The following NELL1 variants were observed in gnomAD, a reference collection of about 807,000 sequenced individuals.
The protein encoded by NELL1 is neural EGFL like 1.
Under a neutral mutation model 107.4 loss-of-function variants are expected in NELL1, and 76 were observed. The ratio of observed to expected loss-of-function variants is 0.71; its 90% CI spans 0.59 to 0.86. NELL1 has a LOEUF of 0.86. NELL1 is among the 40% of genes least tolerant of loss of function. The probability of loss-of-function intolerance (pLI) is 0.00; values close to 1 mark genes in which losing one functional copy is unlikely to be tolerated. For missense variants in NELL1, 1,024 were observed against 1,005.5 expected, an observed-to-expected ratio of 1.02 and a Z score of -0.25; for synonymous variants, 353 against 341.2, an observed-to-expected ratio of 1.03 and a Z score of -0.38.
At chr11:20,958,251 C>G (rs1253373122) in intron 11 of NELL1, among the ~76,000 whole-genome samples, 2 of 151,692 alleles carry the variant, frequency 1.3e-5, no homozygotes, top group Non-Finnish European at 2.9e-5. Context: ...GACTTCATCT[C>G]TCCAAAAAAA....
At chr11:20,758,508 C>T (rs1856347473) in intron 2 of NELL1, among the ~76,000 whole-genome samples, 1 of 152,144 alleles carries the variant, frequency 6.6e-6, no homozygotes, top group South Asian at 2.1e-4. Flanking sequence ...AACCAACTGA[C>T]AATAGAGAGA....
At chr11:20,826,091 T>G (rs1053561165) in intron 3 of NELL1, among the ~76,000 whole-genome samples, 5 of 151,346 alleles carry the variant, frequency 3.3e-5, no homozygotes, top group African/African-American at 1.2e-4. Context: ...TTGCTGCTTT[T>G]TCCATCATGA....
chr11:20,983,545 C>A (rs1851791122), intron 12 of NELL1, among the ~76,000 whole-genome samples: 1 of 152,306 alleles, frequency 6.6e-6, no homozygotes, highest in South Asian at 2.1e-4. Flanking sequence ...TACATAGTCA[C>A]ATATTTAGGA....
chr11:21,447,180 C>A (rs1430674713), intron 15 of NELL1, among the ~76,000 whole-genome samples: 2 of 152,100 alleles, frequency 1.3e-5, no homozygotes, highest in Non-Finnish European at 2.9e-5. Flanking sequence ...AGTGGGCTCC[C>A]CTCTGGCCCA....
At chr11:21,251,501 T>A (rs1423212192) in intron 14 of NELL1, among the ~76,000 whole-genome samples, 2 of 151,930 alleles carry the variant, frequency 1.3e-5, no homozygotes, top group Non-Finnish European at 2.9e-5. Flanking sequence ...TTAGAGACAA[T>A]TTAGTTCCAG....
At chr11:21,064,487 A>G (rs1283859329) in intron 12 of NELL1, among the ~76,000 whole-genome samples, 1 of 152,202 alleles carries the variant, frequency 6.6e-6, no homozygotes, top group Non-Finnish European at 1.5e-5. Flanking sequence ...CCGAAATTGA[A>G]AACTGAGGGG....
chr11:21,497,842 A>G (rs1429228736), intron 15 of NELL1, among the ~76,000 whole-genome samples: 1 of 152,050 alleles, frequency 6.6e-6, no homozygotes, highest in Non-Finnish European at 1.5e-5. Context: ...GCTTTGCTGT[A>G]TATTGTATAC....
At chr11:21,033,966 T>C (rs1447071986) in intron 12 of NELL1, among the ~76,000 whole-genome samples, 1 of 152,174 alleles carries the variant, frequency 6.6e-6, no homozygotes, top group Non-Finnish European at 1.5e-5. Context: ...CATTGTGGTT[T>C]TGATTTGCAT....
At chr11:21,179,789 C>T (rs901587645) in intron 13 of NELL1, among the ~76,000 whole-genome samples, 2 of 143,978 alleles carry the variant, frequency 1.4e-5, no homozygotes, top group Non-Finnish European at 3.0e-5. Flanking sequence ...TAGGAGTGGT[C>T]TTACCTGATT....
At chr11:20,871,734 G>A (rs570995485) in intron 4 of NELL1, among the ~76,000 whole-genome samples, 2 of 152,048 alleles carry the variant, frequency 1.3e-5, no homozygotes, top group African/African-American at 2.4e-5. Flanking sequence ...TTAAGAAGAG[G>A]CCCTGCTGGG....
chr11:21,169,951 C>T (rs1274122864), intron 13 of NELL1: 7 of 1,454,214 alleles, frequency 4.8e-6, no homozygotes, highest in African/African-American at 4.2e-5. Flanking sequence ...GGACCAAGAG[C>T]CCTCTCTTTG....
chr11:21,511,234 T>C (rs1855426856), intron 15 of NELL1, among the ~76,000 whole-genome samples: 1 of 152,234 alleles, frequency 6.6e-6, no homozygotes, highest in African/African-American at 2.4e-5. Flanking sequence ...TTTGTAATAA[T>C]CTCTCTTTAC....
Position 20,848,326 on chromosome 11 carries a change from AG to A in NELL1, c.506+578del, listed in dbSNP as rs570030228. Among the ~76,000 whole-genome samples, 62 of 152,258 alleles carry A rather than the reference AG, an allele frequency of 4.1e-4. No homozygotes were observed. The South Asian group carries it at 0.013, about 32-fold the overall frequency. On this transcript the variant is annotated intron_variant, in intron 4 of 19. Transcript: ENST00000357134. ...CAGCTTGTCAGGGGATGGTGGGACC[AG>A]GGGGTTTCACAGGAGGTTTTGGGTT...
intron 14 of NELL1, among the ~76,000 whole-genome samples, chr11:21,267,950 A>G (rs1848667800): frequency 6.6e-6 from 1 of 152,146 alleles, no homozygotes; most frequent in Non-Finnish European, 1.5e-5. Flanking sequence ...GTGTGTCATT[A>G]TAGGTGAAGT....
chr11:21,546,875 G>T (rs536661874), intron 16 of NELL1, among the ~76,000 whole-genome samples: 1 of 152,070 alleles, frequency 6.6e-6, no homozygotes, highest in South Asian at 2.1e-4. Context: ...TATGAGCAGG[G>T]AATATTAAAC....
At chr11:21,202,444 CTG>C (rs767250753) in intron 13 of NELL1, among the ~76,000 whole-genome samples, 2 of 151,980 alleles carry the variant, frequency 1.3e-5, no homozygotes, top group Non-Finnish European at 2.9e-5. Flanking sequence ...TGATGGTAGA[CTG>C]TATTTCTGTG....
chr11:20,993,650 C>A (rs985517276), intron 12 of NELL1, among the ~76,000 whole-genome samples: 1 of 152,158 alleles, frequency 6.6e-6, no homozygotes, highest in Non-Finnish European at 1.5e-5. Context: ...GCATATCCTC[C>A]TGTGTACTTT....
chr11:20,751,522 G>T (rs558873002), intron 2 of NELL1, among the ~76,000 whole-genome samples: 23 of 152,072 alleles, frequency 1.5e-4, no homozygotes, highest in South Asian at 1.0e-3. Context: ...TGTTGCCCAG[G>T]CCGGAGTGTG....
chr11:21,349,241 G>A (rs1242388004), intron 14 of NELL1, among the ~76,000 whole-genome samples: 8 of 152,128 alleles, frequency 5.3e-5, no homozygotes, highest in Admixed American at 4.6e-4. Context: ...GTTGAAATGT[G>A]CCACTCATCA....
Sources: gnomAD v4.1 joint callset for allele counts (sites outside exome capture counted in the v4.1 genomes callset) on GRCh38, gnomAD v4.1.1 for gene constraint, MANE v1.5 for transcripts, NCBI Gene and HGNC (gene_info 2026-07-23, HGNC 2026-07-21) for gene names.